Variants in LRRC4C observed in about 807,000 individuals in gnomAD.
LRRC4C encodes the protein leucine-rich repeat-containing protein 4C.
Under a neutral mutation model 33.6 loss-of-function variants are expected in LRRC4C, and 5 were observed. That is an observed-to-expected ratio of 0.15 (90% CI 0.08 to 0.31). The LOEUF (loss-of-function observed/expected upper bound fraction) is 0.31. Among genes scored for constraint, LRRC4C ranks in the 10% least tolerant of loss-of-function variants. The pLI, the probability that LRRC4C is intolerant of heterozygous loss-of-function variation, is 1.00. For synonymous variants in LRRC4C, 329 were observed against 302.0 expected, an observed-to-expected ratio of 1.09 and a Z score of -0.93; for missense variants, 560 against 796.7, an observed-to-expected ratio of 0.70 and a Z score of 3.58.
chr11:40,115,198 G>T lies in LRRC4C; in HGVS notation c.1095C>A (p.Val365=), dbSNP rs542733873. The change falls in exon 7 of 7, where the codon GTC becomes GTA. Residue 365 remains valine, a synonymous_variant. Transcript: ENST00000528697. This position sits in a 1 kb window ranked among gnomAD's most constrained non-coding sequence, Gnocchi z 6.7. ...VIVEPPADLN[V]TEGMAAELKC... Reference sequence around the variant, plus strand: ...TCAGCTCAGCTGCCATGCCTTCAGTGACATTGAGGTCTGCAGGGGGCTCCA... The same window carrying T: ...TCAGCTCAGCTGCCATGCCTTCAGTTACATTGAGGTCTGCAGGGGGCTCCA... 1 of 1,614,178 alleles carries T rather than the reference G, an allele frequency of 6.2e-7. No homozygotes were observed. The highest frequency in any genetic ancestry group is 1.3e-5 in the African/African-American group (1 of 75,062).
intron 3 of LRRC4C, among the ~76,000 whole-genome samples, chr11:40,503,328 C>T (rs145711680): frequency 0.018 from 2,709 of 152,232 alleles, 43 homozygotes; most frequent in South Asian, 0.034. Flanking sequence ...TTTCCCAATA[C>T]CTGGAACCAT....
intron 3 of LRRC4C, among the ~76,000 whole-genome samples, chr11:40,362,180 T>A (rs778525568): frequency 1.3e-5 from 2 of 152,050 alleles, no homozygotes; most frequent in African/African-American, 2.4e-5. Context: ...ATATAGGCAA[T>A]ACCATTCAGG....
intron 1 of LRRC4C, among the ~76,000 whole-genome samples, chr11:41,192,244 C>A (rs1013222624): frequency 6.6e-6 from 1 of 152,014 alleles, no homozygotes; most frequent in Non-Finnish European, 1.5e-5. Flanking sequence ...TGCATGTAAG[C>A]CCCAGGAGAG....
chr11:40,122,036 G>A (rs1213390177), intron 6 of LRRC4C, among the ~76,000 whole-genome samples: 2 of 152,026 alleles, frequency 1.3e-5, no homozygotes, highest in African/African-American at 4.8e-5. Context: ...CAAAGCAAAT[G>A]GCTTCACTGA....
chr11:40,321,094 C>T (rs1040683796), intron 3 of LRRC4C, among the ~76,000 whole-genome samples: 10 of 152,224 alleles, frequency 6.6e-5, no homozygotes, highest in African/African-American at 2.2e-4. Flanking sequence ...CTTCAGCTAT[C>T]CTGATGTTAA....
intron 1 of LRRC4C, among the ~76,000 whole-genome samples, chr11:41,213,415 A>T (rs1946904548): frequency 6.6e-6 from 1 of 152,210 alleles, no homozygotes; most frequent in South Asian, 2.1e-4. Flanking sequence ...GGGGCTGAAG[A>T]GATGAAAAGT....
intron 2 of LRRC4C, among the ~76,000 whole-genome samples, chr11:40,799,573 G>A (rs1950960545): frequency 6.6e-6 from 1 of 152,140 alleles, no homozygotes; most frequent in Non-Finnish European, 1.5e-5. Flanking sequence ...GGGCTCAGGT[G>A]AATCTCATGC....
At chr11:40,667,380 A>G (rs1943865111) in intron 2 of LRRC4C, among the ~76,000 whole-genome samples, 1 of 152,162 alleles carries the variant, frequency 6.6e-6, no homozygotes, top group African/African-American at 2.4e-5. Context: ...TGTTCCTTCA[A>G]TTAGCTTTAG....
At chr11:40,640,419 G>T (rs183301394) in intron 3 of LRRC4C, among the ~76,000 whole-genome samples, 1 of 151,806 alleles carries the variant, frequency 6.6e-6, no homozygotes, top group Non-Finnish European at 1.5e-5. Flanking sequence ...TATCATGTTA[G>T]GTCCTTTTTA....
In LRRC4C at chr11:40,936,014, TTATATATATATATATATATATATA is replaced by T. The variant is rs56879078; in HGVS notation, c.-495-2315_-495-2292del. On this transcript the variant is annotated intron_variant, in intron 1 of 6. Transcript: ENST00000528697. ...AAAACTACTAAAAAGATGCCAAATTTTATATATATATATATATATATATATATATATATATATATATATATATAT... is the reference window on the plus strand; with the variant it reads ...AAAACTACTAAAAAGATGCCAAATTTTATATATATATATATATATATATAT... Among the ~76,000 whole-genome samples, 474 of 49,308 alleles carry T rather than the reference TTATATATATATATATATATATATA, an allele frequency of 9.6e-3. 15 individuals are homozygous for T. Among genetic ancestry groups the T allele is most frequent in the East Asian group, 0.019 (27 of 1,410 alleles). 32.3% of individuals were successfully genotyped at this position (49,308 alleles called of 152,430 possible).
chr11:40,518,210 C>T (rs1955653299), intron 3 of LRRC4C, among the ~76,000 whole-genome samples: 1 of 152,146 alleles, frequency 6.6e-6, no homozygotes, highest in Admixed American at 6.5e-5. Context: ...GCAACAACTT[C>T]ATGACAAAAA....
chr11:40,211,391 A>T (rs1190346140), intron 5 of LRRC4C, among the ~76,000 whole-genome samples: 2 of 152,216 alleles, frequency 1.3e-5, no homozygotes, highest in African/African-American at 4.8e-5. Flanking sequence ...CAAGTGGTGT[A>T]TATTTAAAAA....
intron 1 of LRRC4C, among the ~76,000 whole-genome samples, chr11:41,183,200 T>C (rs1472426881): frequency 6.6e-6 from 1 of 152,068 alleles, no homozygotes; most frequent in Admixed American, 6.6e-5. Flanking sequence ...TCTCATGTCT[T>C]CACATTTCAA....
intron 3 of LRRC4C, among the ~76,000 whole-genome samples, chr11:40,453,511 A>C (rs1338502619): frequency 6.6e-6 from 1 of 151,994 alleles, no homozygotes; most frequent in Non-Finnish European, 1.5e-5. Flanking sequence ...TACAATCCCA[A>C]TGAATATAAA....
At chr11:40,529,683 T>C (rs1045265497) in intron 3 of LRRC4C, among the ~76,000 whole-genome samples, 25 of 152,300 alleles carry the variant, frequency 1.6e-4, no homozygotes, top group East Asian at 9.7e-4. Context: ...CAAAAACCAT[T>C]AGTTTGAAAA....
chr11:41,099,835 C>A (rs1941053021), intron 1 of LRRC4C, among the ~76,000 whole-genome samples: 1 of 151,904 alleles, frequency 6.6e-6, no homozygotes, highest in African/African-American at 2.4e-5. Flanking sequence ...AATTTCTGGC[C>A]AGAGCAGTCA....
chr11:40,350,738 TC>T (rs1448866056), intron 3 of LRRC4C, among the ~76,000 whole-genome samples: 4 of 152,114 alleles, frequency 2.6e-5, no homozygotes, highest in African/African-American at 9.7e-5. Context: ...GAAATATCTT[TC>T]CATTTATTTT....
At chr11:40,603,783 C>T (rs1292858524) in intron 3 of LRRC4C, among the ~76,000 whole-genome samples, 1 of 152,044 alleles carries the variant, frequency 6.6e-6, no homozygotes, top group Non-Finnish European at 1.5e-5. Flanking sequence ...AATCATATTC[C>T]CAAGCCACAG....
intron 1 of LRRC4C, among the ~76,000 whole-genome samples, chr11:41,080,446 G>C (rs986379988): frequency 6.6e-6 from 1 of 150,878 alleles, no homozygotes; most frequent in African/African-American, 2.4e-5. Flanking sequence ...CTGCCTCCTG[G>C]GTACAAGCGA....
Sources: allele counts gnomAD v4.1 joint callset (sites outside exome capture counted in the v4.1 genomes callset), GRCh38; gene constraint gnomAD v4.1.1; non-coding constraint Gnocchi (gnomAD v3.1); transcripts MANE v1.5; gene names NCBI Gene and HGNC (gene_info 2026-07-23, HGNC 2026-07-21).